RPL31: variants seen among roughly 807,000 people sequenced by gnomAD.
RPL31 encodes the protein ribosomal protein L31.
For missense variants in RPL31, 95 were observed against 164.0 expected (o/e 0.58, Z 2.30); for synonymous variants, 51 against 55.0 (o/e 0.93, Z 0.32).
intron 4 of RPL31, among the ~76,000 whole-genome samples, chr2:101,013,800 A>G (rs1269050760): frequency 6.6e-6 from 1 of 152,240 alleles, no homozygotes; most frequent in Non-Finnish European, 1.5e-5. Context: ...TTTGAACACA[A>G]TCTGGCCTTC....
rs965109315 is a variant in RPL31, at chr2:101,002,452, T to C, written c.-1+137T>C. The stretch of plus-strand genomic sequence containing the variant: ...TGGGGAGATGGGAATACACCCTGCT[T>C]TTAAAGGCTCCCAGAGCCTGAGGAA... On this transcript the variant is annotated intron_variant, in intron 1 of 4. Coordinates refer to ENST00000264258, the MANE Select transcript of RPL31 (RefSeq NM_000993.5). 4 of 539,712 alleles carry C rather than the reference T, an allele frequency of 7.4e-6. No homozygotes were observed. In the African/African-American group the frequency reaches 7.6e-5, roughly 10 times the overall value. The allele number at this position is 539,712 out of a possible 1,614,324, so 33.4% of individuals were successfully genotyped here.
At chr2:101,008,803 C>CTT (rs1412684488), downstream of RPL31, among the ~76,000 whole-genome samples, 4 of 145,456 alleles carry the variant, frequency 2.7e-5, no homozygotes, top group Admixed American at 6.8e-5. Flanking sequence ...AAGAGTAAAA[C>CTT]TTTGTCTTAA....
At chr2:101,011,288 A>C (rs905134486), downstream of RPL31, 26 of 764,772 alleles carry the variant, frequency 3.4e-5, no homozygotes, top group African/African-American at 5.3e-5. Flanking sequence ...CAACACCCCC[A>C]CTAGGAGCAC....
At chr2:101,005,905 C>T in intron 3 of RPL31, 54 bp from the exon 4 acceptor site, 1 of 1,461,726 alleles carries the variant, frequency 6.8e-7, no homozygotes, top group East Asian at 2.3e-5. Flanking sequence ...CAGCTAGTGG[C>T]TGCTTGGTTG....
At chr2:101,010,206 G>A (rs934545979), downstream of RPL31, among the ~76,000 whole-genome samples, 34 of 152,156 alleles carry the variant, frequency 2.2e-4, no homozygotes, top group African/African-American at 7.7e-4. Flanking sequence ...CCTGAATATG[G>A]CACAACCCTT....
At position 101,007,211 on chromosome 2, in the gene RPL31, A is replaced by AAAAG. The variant is rs1320883285; in HGVS notation, c.*834_*837dup. The AAAAG allele has an allele frequency of 6.6e-6, 1 of 152,428 alleles. No homozygotes were observed. Among genetic ancestry groups the AAAAG allele is most frequent in the African/African-American group, 2.4e-5 (1 of 41,466 alleles). 9.4% of individuals were successfully genotyped at this position (152,428 alleles called of 1,614,324 possible). A position where few individuals can be genotyped will look rare whatever the true frequency, so the allele number is the denominator to read the frequency against. ...AGCTTAAGACACTTAACTACAAGGTAAAAGAAAAGGACCAAGTAAATACAA... is the reference window on the plus strand; with the variant it reads ...AGCTTAAGACACTTAACTACAAGGTAAAAGAAAGAAAAGGACCAAGTAAATACAA... On this transcript the variant is annotated 3_prime_UTR_variant, in exon 5 of 5. Transcript: ENST00000264258.
intron 3 of RPL31, chr2:101,005,207 G>A (rs1457604470): frequency 6.6e-6 from 1 of 152,314 alleles, no homozygotes. Context: ...CATCGATAGA[G>A]GAAAGAGAAT....
chr2:101,019,161 G>A, exon 5 of RPL31: 1 of 1,370,172 alleles, frequency 7.3e-7, no homozygotes, highest in Non-Finnish European at 1.0e-6. Flanking sequence ...TACCCTGGCA[G>A]AGGGCCAGGC....
At chr2:101,007,597 G>A (rs569630583), downstream of RPL31, 1 of 531,578 alleles carries the variant, frequency 1.9e-6, no homozygotes, top group South Asian at 2.8e-5. Flanking sequence ...ATTGTAAGTT[G>A]GCATCAAGGG....
In RPL31 at chr2:101,002,761, G is replaced by A; in HGVS notation, c.60G>A (p.Val20=). The change falls in exon 2 of 5, where the codon GTG becomes GTA. Residue 20 remains valine (V), a synonymous_variant. Transcript: ENST00000264258. ...AGGGCCGTTCTGCCATCAACGAAGT[G>A]GTAACCCGAGAATACACCATCAACA... ...KKKGRSAINE[V]VTREYTINIH... is the part of the protein sequence containing the mutation. 1 of 1,614,130 alleles carries A rather than the reference G, an allele frequency of 6.2e-7. No individual in the cohort carries two copies. The highest frequency in any genetic ancestry group is 1.3e-5 in the African/African-American group (1 of 75,044).
At chr2:101,004,639 C>A in intron 3 of RPL31, 1 of 281,724 alleles carries the variant, frequency 3.5e-6, no homozygotes, top group Non-Finnish European at 6.5e-6. Flanking sequence ...GACATCATGG[C>A]AAGTCCACCA....
At chr2:101,014,698 C>T (rs748241904) in intron 4 of RPL31, among the ~76,000 whole-genome samples, 2 of 152,164 alleles carry the variant, frequency 1.3e-5, no homozygotes, top group Non-Finnish European at 2.9e-5. Flanking sequence ...TCTTGGGTTC[C>T]AGCAGATATC....
exon 5 of RPL31, chr2:101,019,264 TCTTTAGGCAC>T: frequency 2.3e-6 from 1 of 431,956 alleles, no homozygotes; most frequent in Non-Finnish European, 4.1e-6. Flanking sequence ...TGAAGAGAAT[TCTTTAGGCAC>T]ACAAATTCAC....
At chr2:101,010,395 A>C (rs1210102619), downstream of RPL31, among the ~76,000 whole-genome samples, 2 of 152,184 alleles carry the variant, frequency 1.3e-5, no homozygotes, top group Non-Finnish European at 2.9e-5. Flanking sequence ...AACCTGGATA[A>C]ATGAATTTTA....
downstream of RPL31, among the ~76,000 whole-genome samples, chr2:101,008,776 A>G (rs1322714540): frequency 6.6e-6 from 1 of 151,744 alleles, no homozygotes; most frequent in Non-Finnish European, 1.5e-5. Context: ...ACACCATTGC[A>G]CTCCAGCCTG....
chr2:101,006,171 A>G, intron 4 of RPL31, 100 bp downstream of exon 4: 1 of 1,524,470 alleles, frequency 6.6e-7, no homozygotes, highest in Non-Finnish European at 8.8e-7. Flanking sequence ...GACACACGTC[A>G]TTGTACCCTT....
downstream of RPL31, chr2:101,011,346 G>T: frequency 8.6e-7 from 1 of 1,166,256 alleles, no homozygotes; most frequent in Non-Finnish European, 1.3e-6. Flanking sequence ...ATTGGACGAA[G>T]GGAAAAGACA....
downstream of RPL31, chr2:101,011,069 T>A: frequency 5.7e-6 from 9 of 1,582,586 alleles, no homozygotes; most frequent in Non-Finnish European, 6.9e-6. Flanking sequence ...TTTAAATAAA[T>A]TCAGTGACAG....
chr2:101,010,997 T>C, downstream of RPL31: 4 of 1,613,032 alleles, frequency 2.5e-6, no homozygotes, highest in Non-Finnish European at 3.4e-6. Context: ...ATCATCTGCT[T>C]CAGCTGTTTC....
Sources: gnomAD v4.1 joint callset for allele counts (sites outside exome capture counted in the v4.1 genomes callset) on GRCh38, gnomAD v4.1.1 for gene constraint, MANE v1.5 for transcripts, NCBI Gene and HGNC (gene_info 2026-07-23, HGNC 2026-07-21) for gene names.